The following ERI2 variants were observed in gnomAD, a reference collection of about 807,000 sequenced individuals.
The protein encoded by ERI2 is ERI1 exoribonuclease family member 2.
A neutral mutation model predicts 46.8 loss-of-function variants in ERI2; 35 were observed. The ratio of observed to expected loss-of-function variants is 0.75; its 90% CI spans 0.57 to 0.99. The LOEUF (loss-of-function observed/expected upper bound fraction) is 0.99, where lower values mean the gene tolerates loss of function less well. Ranked by LOEUF, ERI2 falls within the 50% of genes least tolerant of loss-of-function variation. The pLI, the probability that ERI2 is intolerant of heterozygous loss-of-function variation, is 0.00. For missense variants in ERI2, 695 were observed against 796.2 expected, an observed-to-expected ratio of 0.87 and a Z score of 1.53; for synonymous variants, 224 against 271.0, an observed-to-expected ratio of 0.83 and a Z score of 1.70.
Position 20,798,913 on chromosome 16 carries a change from T to A in ERI2, c.887A>T (p.Lys296Met). 6.4e-7 allele frequency: 1 copy of A among 1,551,142 alleles called. No individual in the cohort carries two copies. The highest frequency in any genetic ancestry group is 8.7e-7 in the Non-Finnish European group (1 of 1,146,802). The change falls in exon 9 of 9, where the codon AAG (lysine) becomes ATG (methionine). Residue 296 changes from lysine (K) to methionine (M), a missense_variant. Coordinates refer to ENST00000357967, the MANE Select transcript of ERI2 (RefSeq NM_001142725.2). ...TATAGGAGAATTTGCACAAATTGAC[T>A]TCATTTGAACTTTTTCATGAGGATT... ...IINPHEKVQM[K>M]SICANSPIKA...
chr16:20,781,656 G>C, intron 10 of ERI2: 5 of 1,313,254 alleles, frequency 3.8e-6, no homozygotes, highest in Non-Finnish European at 5.5e-6. Flanking sequence ...AGACATTTAA[G>C]CACTTATTTA....
rs779349090 is a variant in ERI2, at chr16:20,803,307, A to C, written c.175+126T>G. On this transcript the variant is annotated intron_variant, in intron 3 of 8. Coordinates refer to ENST00000357967, the MANE Select transcript of ERI2 (RefSeq NM_001142725.2). ...GATTTTGCTCTTTTTTATTCAACAT[A>C]AGTTTTGCATTAAACTACCAATGCA... The C allele has an allele frequency of 1.6e-4, 175 of 1,070,644 alleles. 1 individual carries two copies. Among genetic ancestry groups the C allele is most frequent in the Middle Eastern group, 4.2e-4 (2 of 4,732 alleles). The allele number at this position is 1,070,644 out of a possible 1,614,324, so 66.3% of individuals were successfully genotyped here. A position where few individuals can be genotyped will look rare whatever the true frequency, so the allele number is the denominator to read the frequency against.
At chr16:20,792,313 G>A, downstream of ERI2, 1 of 1,614,046 alleles carries the variant, frequency 6.2e-7, no homozygotes, top group Non-Finnish European at 8.5e-7. Context: ...GTTGTCAGCA[G>A]CCCAGACCCC....
chr16:20,802,852 G>T lies in ERI2; in HGVS notation c.247C>A (p.Pro83Thr). The T allele has an allele frequency of 6.2e-7, 1 of 1,611,432 alleles. No homozygotes were observed. Among genetic ancestry groups the T allele is most frequent in the Non-Finnish European group, 8.5e-7 (1 of 1,178,102 alleles). Residue 83 changes from proline to threonine, a missense_variant, in exon 4 of 9, where the codon CCT (proline) becomes ACT (threonine). Transcript: ENST00000357967. ...TCTGAAAGAATTGGATGTTCCTGAG[G>T]TTGAACATAAGCCTGGAACTCAGAG... ...IDSEFQAYVQ[P>T]QEHPILSEFC... is the part of the protein sequence containing the mutation.
At chr16:20,782,608 G>A (rs893319425) in intron 10 of ERI2, among the ~76,000 whole-genome samples, 5 of 152,102 alleles carry the variant, frequency 3.3e-5, no homozygotes, top group Admixed American at 2.0e-4. Context: ...CATTATCTCC[G>A]TGGAGGCAGC....
chr16:20,792,211 G>C, downstream of ERI2: 1 of 1,614,008 alleles, frequency 6.2e-7, no homozygotes, highest in Non-Finnish European at 8.5e-7. Context: ...TCACCTGTAT[G>C]TATTCCTGCC....
intron 10 of ERI2, among the ~76,000 whole-genome samples, chr16:20,785,622 GAAC>G (rs2080454662): frequency 1.3e-5 from 2 of 152,110 alleles, no homozygotes; most frequent in Middle Eastern, 3.4e-3. Flanking sequence ...TAAGAAAAAA[GAAC>G]AACAGTGGTT....
intron 9 of ERI2, among the ~76,000 whole-genome samples, chr16:20,789,915 C>A (rs1048152923): frequency 2.0e-5 from 3 of 151,682 alleles, no homozygotes; most frequent in African/African-American, 7.3e-5. Flanking sequence ...CTCAGGCGAT[C>A]CACCCGCCTC....
At chr16:20,791,299 C>G (rs1480934868) in intron 8 of ERI2, among the ~76,000 whole-genome samples, 1 of 152,138 alleles carries the variant, frequency 6.6e-6, no homozygotes, top group Non-Finnish European at 1.5e-5. Flanking sequence ...AGCACAAAAA[C>G]AAAACAAACC....
chr16:20,784,426 T>A (rs1428932771), intron 10 of ERI2: 1 of 152,724 alleles, frequency 6.5e-6, no homozygotes, highest in Non-Finnish European at 1.5e-5. Context: ...CATAGCTGTA[T>A]AGTATTCCAT....
At chr16:20,803,305 A>G (rs1455649524) in intron 3 of ERI2, 128 bp downstream of exon 3, 10 of 1,070,974 alleles carry the variant, frequency 9.3e-6, no homozygotes, top group South Asian at 2.0e-5. Context: ...TTTATTCAAC[A>G]TAAGTTTTGC....
Position 20,796,677 on chromosome 16 carries a change from C to G in ERI2, c.*1047G>C. 1 of 1,475,480 alleles carries G rather than the reference C, an allele frequency of 6.8e-7. No individual in the cohort carries two copies. The highest frequency in any genetic ancestry group is 8.9e-7 in the Non-Finnish European group (1 of 1,120,652). 91.4% of individuals were successfully genotyped at this position (1,475,480 alleles called of 1,614,324 possible). A position where few individuals can be genotyped will look rare whatever the true frequency, so the allele number is the denominator to read the frequency against. ...AAACCCTGAACCTATTTTGTTTGGT[C>G]CTTTGGCTTACTGGACTCACAGTAA... On this transcript the variant is annotated 3_prime_UTR_variant, in exon 9 of 9. Transcript: ENST00000357967.
downstream of ERI2, among the ~76,000 whole-genome samples, chr16:20,795,882 C>T (rs995255700): frequency 6.6e-6 from 1 of 152,146 alleles, no homozygotes; most frequent in African/African-American, 2.4e-5. Context: ...AAAAACATTT[C>T]TAGGAAGGAT....
Position 20,802,895 on chromosome 16 carries a change from T to C in ERI2, c.204A>G (p.Thr68=). 1 of 1,609,080 alleles carries C rather than the reference T, an allele frequency of 6.2e-7. No homozygotes were observed. The highest frequency in any genetic ancestry group is 1.1e-5 in the South Asian group (1 of 90,412). ...IIEFPAVLLN[T]STGQIDSEFQ... is the part of the protein sequence containing the mutation. ...ACTCAGAGTCAATCTGTCCAGTTGA[T>C]GTGTTCAGCAACACTGCTGGAAACT... The change falls in exon 4 of 9, where the codon ACA becomes ACG. Residue 68 remains threonine, a synonymous_variant. Transcript: ENST00000357967.
At chr16:20,783,766 T>G (rs2080405627) in intron 10 of ERI2, among the ~76,000 whole-genome samples, 1 of 151,802 alleles carries the variant, frequency 6.6e-6, no homozygotes, top group Non-Finnish European at 1.5e-5. Flanking sequence ...TTGTCTATTC[T>G]CCCTGAAAAT....
chr16:20,786,120 G>A (rs368608072), intron 10 of ERI2: 3 of 1,604,122 alleles, frequency 1.9e-6, no homozygotes, highest in African/African-American at 1.3e-5. Context: ...AATTAAACCT[G>A]GCTCAATGGG....
In ERI2 at chr16:20,803,642, T is replaced by C. The variant is rs2080819349; in HGVS notation, c.52A>G (p.Ile18Val). The change falls in exon 2 of 9, where the codon ATT becomes GTT. Residue 18 changes from isoleucine to valine, a missense_variant. By Grantham distance (29) the Ile-to-Val change is conservative. Transcript: ENST00000357967. ...CCGAGATTTCCATTTGCTGGCGCAA[T>C]TGACTTTCTCCTAATTAATCCAAGC... ...RQLGLIRRKS[I>V]APANGNLGRS... 8 of 1,614,130 alleles carry C rather than the reference T, an allele frequency of 5.0e-6. No individual in the cohort carries two copies. The highest frequency in any genetic ancestry group is 1.1e-5 in the South Asian group (1 of 91,066).
At chr16:20,791,927 GAAAAA>G, downstream of ERI2, 1 of 1,290,188 alleles carries the variant, frequency 7.8e-7, no homozygotes. Flanking sequence ...GACTGTCTCG[GAAAAA>G]AAAAAAAAAA....
chr16:20,784,581 A>G (rs961450333), intron 10 of ERI2: 2 of 161,870 alleles, frequency 1.2e-5, no homozygotes, highest in Non-Finnish European at 2.7e-5. Context: ...CTGCACAAGG[A>G]TGACATGCAA....
Sources: allele counts gnomAD v4.1 joint callset (sites outside exome capture counted in the v4.1 genomes callset), GRCh38; gene constraint gnomAD v4.1.1; transcripts MANE v1.5; gene names NCBI Gene and HGNC (gene_info 2026-07-23, HGNC 2026-07-21).